The following DPF3 variants were observed in gnomAD, a reference collection of about 807,000 sequenced individuals.
DPF3 encodes the protein zinc finger protein DPF3.
DPF3 carries 18 observed loss-of-function variants against 56.8 expected under a neutral mutation model. The observed-to-expected ratio is 0.32, with a 90% CI of 0.22 to 0.47. The LOEUF (loss-of-function observed/expected upper bound fraction) is 0.47. Ranked by LOEUF, DPF3 falls within the 20% of genes least tolerant of loss-of-function variation. The pLI, the probability that DPF3 is intolerant of heterozygous loss-of-function variation, is 1.00. For missense variants in DPF3, 403 were observed against 488.8 expected, an observed-to-expected ratio of 0.82 and a Z score of 1.65; for synonymous variants, 188 against 180.2, an observed-to-expected ratio of 1.04 and a Z score of -0.35.
intron 7 of DPF3, among the ~76,000 whole-genome samples, chr14:72,680,204 G>GCTGGT (rs1253326526): frequency 6.6e-6 from 1 of 152,192 alleles, no homozygotes; most frequent in Non-Finnish European, 1.5e-5. Context: ...GCTCCCACTC[G>GCTGGT]CTGGTCGTGT....
chr14:72,817,337 T>G (rs1161233166), intron 1 of DPF3, among the ~76,000 whole-genome samples: 1 of 152,138 alleles, frequency 6.6e-6, no homozygotes, highest in Non-Finnish European at 1.5e-5. Flanking sequence ...TACATCAACC[T>G]AAATATATTC....
chr14:72,892,323 A>T, intron 1 of DPF3: 1 of 1,535,452 alleles, frequency 6.5e-7, no homozygotes, highest in Non-Finnish European at 8.7e-7. Flanking sequence ...AGTTACGCCC[A>T]TTTATTCTGC....
intron 4 of DPF3, among the ~76,000 whole-genome samples, chr14:72,727,575 CAAA>C (rs575342495): frequency 8.6e-6 from 1 of 115,626 alleles, no homozygotes; most frequent in East Asian, 2.5e-4. Flanking sequence ...GACTCCATCT[CAAA>C]AAAAAAAAAA....
chr14:72,783,603 A>C (rs1391858929), intron 1 of DPF3, among the ~76,000 whole-genome samples: 1 of 152,170 alleles, frequency 6.6e-6, no homozygotes, highest in Non-Finnish European at 1.5e-5. Flanking sequence ...CCACACTCAA[A>C]TCTTGATCAT....
chr14:72,864,947 T>C (rs538522610), intron 1 of DPF3, among the ~76,000 whole-genome samples: 3 of 152,172 alleles, frequency 2.0e-5, no homozygotes, highest in African/African-American at 7.2e-5. Context: ...CGGGACCAAG[T>C]GTAAGTCAGG....
At chr14:72,884,551 G>C (rs1240238585) in intron 1 of DPF3, among the ~76,000 whole-genome samples, 1 of 151,920 alleles carries the variant, frequency 6.6e-6, no homozygotes, top group Non-Finnish European at 1.5e-5. Flanking sequence ...CTGGAGGAAG[G>C]GGAAGGGAGG....
At chr14:72,648,540 G>A (rs1372231294) in intron 8 of DPF3, among the ~76,000 whole-genome samples, 3 of 149,614 alleles carry the variant, frequency 2.0e-5, no homozygotes, top group Non-Finnish European at 4.4e-5. Context: ...TCCAGCCTGG[G>A]TGACAGAGTG....
At chr14:72,641,317 A>G (rs1336720155) in intron 8 of DPF3, among the ~76,000 whole-genome samples, 1 of 152,234 alleles carries the variant, frequency 6.6e-6, no homozygotes, top group Admixed American at 6.5e-5. Flanking sequence ...AGCACCGTGC[A>G]CAATGATCTC....
At chr14:72,731,340 T>C (rs1268508147) in intron 4 of DPF3, 1 of 153,646 alleles carries the variant, frequency 6.5e-6, no homozygotes, top group Non-Finnish European at 1.3e-5. Flanking sequence ...GGCTGGGCAC[T>C]GCTGGGAAAC....
At chr14:72,769,457 G>A (rs147774434) in intron 2 of DPF3, among the ~76,000 whole-genome samples, 97 of 152,236 alleles carry the variant, frequency 6.4e-4, no homozygotes, top group Middle Eastern at 3.4e-3. Flanking sequence ...CGAGGCAGGC[G>A]GATCATGAGG....
intron 6 of DPF3, among the ~76,000 whole-genome samples, chr14:72,713,868 A>T (rs2046688986): frequency 6.6e-6 from 1 of 152,188 alleles, no homozygotes. Context: ...CTTGTCCAAA[A>T]GATGTTTCTG....
At chr14:72,807,784 T>G (rs1379240897) in intron 1 of DPF3, among the ~76,000 whole-genome samples, 2 of 152,044 alleles carry the variant, frequency 1.3e-5, no homozygotes, top group Non-Finnish European at 2.9e-5. Flanking sequence ...CTGGTCAACA[T>G]AGGAAGACCC....
intron 9 of DPF3, among the ~76,000 whole-genome samples, chr14:72,622,365 A>T (rs1201988152): frequency 6.6e-6 from 1 of 152,290 alleles, no homozygotes; most frequent in African/African-American, 2.4e-5. Context: ...ACTGTAGTTT[A>T]CGCCAAAACA....
chr14:72,880,213 A>G (rs1886274928), intron 1 of DPF3, among the ~76,000 whole-genome samples: 2 of 152,212 alleles, frequency 1.3e-5, no homozygotes, highest in Non-Finnish European at 1.5e-5. Flanking sequence ...CTAGACTTTA[A>G]AAACCAGTAT....
intron 1 of DPF3, among the ~76,000 whole-genome samples, chr14:72,777,663 TGCTGTCTTCGTGATA>T: frequency 6.6e-6 from 1 of 152,298 alleles, no homozygotes; most frequent in East Asian, 1.9e-4. Context: ...CATGGCTTGG[TGCTGTCTTCGTGATA>T]GCAAGTGAGT....
At position 72,774,672 on chromosome 14, in the gene DPF3, C is replaced by T. The variant is rs370278497; in HGVS notation, c.33-2779G>A. ...CAAAAACCCTTTGCTCCTTTTTCAC[C>T]TCTGAACATCTTCACATTCATAAGG... On this transcript the variant is annotated intron_variant, in intron 1 of 10. Transcript: ENST00000556509. Among the ~76,000 whole-genome samples the T allele has an allele frequency of 2.6e-5, 4 of 152,130 alleles. No individual in the cohort carries two copies. In the South Asian group the frequency reaches 6.2e-4, roughly 24 times the overall value.
intron 8 of DPF3, among the ~76,000 whole-genome samples, chr14:72,632,158 G>C (rs530388081): frequency 1.3e-5 from 2 of 152,328 alleles, no homozygotes; most frequent in East Asian, 3.9e-4. Context: ...AGGCTATTAA[G>C]CAAGGCAGTA....
chr14:72,734,803 T>C (rs1889821924), intron 3 of DPF3, among the ~76,000 whole-genome samples: 1 of 152,122 alleles, frequency 6.6e-6, no homozygotes, highest in Non-Finnish European at 1.5e-5. Flanking sequence ...ATCACGACAA[T>C]GGCCCCCTCT....
intron 9 of DPF3, among the ~76,000 whole-genome samples, chr14:72,622,992 G>A (rs1884555738): frequency 6.6e-6 from 1 of 152,218 alleles, no homozygotes; most frequent in Non-Finnish European, 1.5e-5. Flanking sequence ...TTATGCAGCT[G>A]TAGGAAGGAA....
Sources: allele counts gnomAD v4.1 joint callset (sites outside exome capture counted in the v4.1 genomes callset), GRCh38; gene constraint gnomAD v4.1.1; transcripts MANE v1.5; gene names NCBI Gene and HGNC (gene_info 2026-07-23, HGNC 2026-07-21).